The following ROR2 variants were observed in gnomAD, a reference collection of about 807,000 sequenced individuals.
The protein encoded by ROR2 is ROR family WNT receptor 2, also known as tyrosine-protein kinase transmembrane receptor ROR2.
A neutral mutation model predicts 74.9 loss-of-function variants in ROR2; 33 were observed. The observed-to-expected ratio is 0.44, with a 90% CI of 0.33 to 0.59. ROR2 has a LOEUF of 0.59. ROR2 is among the 20% of genes least tolerant of loss of function. The pLI is 0.02. For synonymous variants in ROR2, 586 were observed against 558.7 expected (o/e 1.05, Z -0.69); for missense variants, 1,216 against 1,313.8 (o/e 0.93, Z 1.15).
chr9:91,895,852 A>G (rs1158909446), intron 1 of ROR2, among the ~76,000 whole-genome samples: 1 of 152,244 alleles, frequency 6.6e-6, no homozygotes, highest in African/African-American at 2.4e-5. Flanking sequence ...TCAAAAAAGA[A>G]AAAAGAAATA....
At chr9:91,849,723 G>C (rs1305065816) in intron 1 of ROR2, among the ~76,000 whole-genome samples, 1 of 152,194 alleles carries the variant, frequency 6.6e-6, no homozygotes, top group Admixed American at 6.5e-5. Flanking sequence ...TGTAGATAAA[G>C]CTGAAGTCTC....
At chr9:91,727,030 G>A (rs143392335) in intron 7 of ROR2, among the ~76,000 whole-genome samples, 541 of 152,214 alleles carry the variant, frequency 3.6e-3, no homozygotes, top group Middle Eastern at 6.8e-3. Context: ...TCTTAATAAC[G>A]ACCACATCCG....
rs34687056 is a variant in ROR2, at chr9:91,829,549, C to CAAAA, written c.98-53735_98-53732dup. ...TGGGTGACACAGCGAGACTCCGTCTCAAAAAAAAAAAAAAAAAAAAAAAAG... is the reference window on the plus strand; with the variant it reads ...TGGGTGACACAGCGAGACTCCGTCTCAAAAAAAAAAAAAAAAAAAAAAAAAAAAG... On this transcript the variant is annotated intron_variant, in intron 1 of 8. Coordinates refer to ENST00000375708, the MANE Select transcript of ROR2 (RefSeq NM_004560.4). Among the ~76,000 whole-genome samples, 49 of 40,480 alleles carry CAAAA rather than the reference C, an allele frequency of 1.2e-3. 2 individuals carry two copies. The highest frequency in any genetic ancestry group is 2.4e-3 in the African/African-American group (24 of 10,188). The allele number at this position is 40,480 out of a possible 152,430, so 26.6% of individuals were successfully genotyped here.
intron 1 of ROR2, among the ~76,000 whole-genome samples, chr9:91,915,630 C>G (rs1564035849): frequency 6.7e-6 from 1 of 149,972 alleles, no homozygotes; most frequent in Non-Finnish European, 1.5e-5. Flanking sequence ...CAGGTTGCTG[C>G]TGCTGTCTTG....
At chr9:91,825,743 G>C (rs1828267005) in intron 1 of ROR2, among the ~76,000 whole-genome samples, 1 of 152,056 alleles carries the variant, frequency 6.6e-6, no homozygotes, top group Admixed American at 6.5e-5. Flanking sequence ...CACTTATTTT[G>C]CTGGAAAAAA....
At chr9:91,837,507 G>A (rs147018089) in intron 1 of ROR2, among the ~76,000 whole-genome samples, 1 of 152,326 alleles carries the variant, frequency 6.6e-6, no homozygotes, top group Admixed American at 6.5e-5. Context: ...GGGAGGCGGG[G>A]AGAAGCCTTG....
At chr9:91,931,617 T>C (rs1587856116) in intron 1 of ROR2, among the ~76,000 whole-genome samples, 1 of 152,084 alleles carries the variant, frequency 6.6e-6, no homozygotes, top group Non-Finnish European at 1.5e-5. Flanking sequence ...TTTTAAGCCA[T>C]TTAAAAAAAA....
chr9:91,903,115 T>C (rs1176691081), intron 1 of ROR2, among the ~76,000 whole-genome samples: 1 of 151,776 alleles, frequency 6.6e-6, no homozygotes, highest in African/African-American at 2.4e-5. Context: ...TATTTTACTA[T>C]GATAAAGAAA....
chr9:91,798,364 T>C (rs1358016191), intron 1 of ROR2, among the ~76,000 whole-genome samples: 2 of 119,776 alleles, frequency 1.7e-5, no homozygotes, highest in African/African-American at 7.3e-5. Flanking sequence ...CTGGGCTCTG[T>C]GGGTGGGGAA....
chr9:91,853,186 T>A (rs1253490479), intron 1 of ROR2, among the ~76,000 whole-genome samples: 1 of 152,062 alleles, frequency 6.6e-6, no homozygotes, highest in Non-Finnish European at 1.5e-5. Context: ...CAGGCCTGAG[T>A]CCGGAGACCA....
At chr9:91,859,419 G>A (rs957132465) in intron 1 of ROR2, among the ~76,000 whole-genome samples, 2 of 152,070 alleles carry the variant, frequency 1.3e-5, no homozygotes, top group African/African-American at 2.4e-5. Flanking sequence ...GGATGGTCTC[G>A]AAAGTATTTC....
In ROR2 at chr9:91,722,820, C is replaced by T. The variant is rs997378440; in HGVS notation, c.*842G>A. 5.6e-5 allele frequency: 32 copies of T among 570,458 alleles called. 2 individuals carry two copies. The highest frequency in any genetic ancestry group is 4.2e-4 in the South Asian group (19 of 45,158). 35.3% of individuals were successfully genotyped at this position (570,458 alleles called of 1,614,324 possible). ...TAAATTACTAAAGTCATCTTAAGACCAAAATACTTCAATGAAAATGGCATA... is the reference window on the plus strand; with the variant it reads ...TAAATTACTAAAGTCATCTTAAGACTAAAATACTTCAATGAAAATGGCATA... On this transcript the variant is annotated 3_prime_UTR_variant, in exon 9 of 9. Coordinates refer to ENST00000375708, the MANE Select transcript of ROR2 (RefSeq NM_004560.4).
chr9:91,924,072 C>T (rs1467544322), intron 1 of ROR2: 1 of 152,572 alleles, frequency 6.6e-6, no homozygotes, highest in East Asian at 1.9e-4. Flanking sequence ...ACATTGGCAG[C>T]TGATTCTTTC....
At chr9:91,772,573 T>C (rs1265519511) in intron 2 of ROR2, among the ~76,000 whole-genome samples, 2 of 152,216 alleles carry the variant, frequency 1.3e-5, no homozygotes, top group Non-Finnish European at 2.9e-5. Context: ...CCTTCTGTGG[T>C]TCTTTGCTTT....
chr9:91,800,702 C>A (rs1316746178), intron 1 of ROR2, among the ~76,000 whole-genome samples: 1 of 152,212 alleles, frequency 6.6e-6, no homozygotes, highest in Non-Finnish European at 1.5e-5. Context: ...GTGGGCATCA[C>A]GCCCACGCAC....
intron 1 of ROR2, among the ~76,000 whole-genome samples, chr9:91,812,200 G>A (rs1044367544): frequency 2.6e-5 from 4 of 151,968 alleles, no homozygotes; most frequent in African/African-American, 4.8e-5. Flanking sequence ...TTGACTCCTC[G>A]TCTCTGCTGA....
chr9:91,745,826 G>A (rs1219248704), intron 4 of ROR2, among the ~76,000 whole-genome samples: 4 of 152,034 alleles, frequency 2.6e-5, no homozygotes, highest in African/African-American at 4.8e-5. Flanking sequence ...CTTAAATTCA[G>A]TTTCTAGCTT....
chr9:91,834,981 T>C (rs1828568337), intron 1 of ROR2, among the ~76,000 whole-genome samples: 1 of 151,516 alleles, frequency 6.6e-6, no homozygotes, highest in South Asian at 2.1e-4. Flanking sequence ...CCCTGCCTTA[T>C]GTCTCTGGGC....
chr9:91,892,283 C>G (rs936916848), intron 1 of ROR2, among the ~76,000 whole-genome samples: 2 of 152,294 alleles, frequency 1.3e-5, no homozygotes, highest in African/African-American at 4.8e-5. Context: ...GTAAGTGCAC[C>G]GGCAGGTGGG....
Sources: gnomAD v4.1 joint callset for allele counts (sites outside exome capture counted in the v4.1 genomes callset) on GRCh38, gnomAD v4.1.1 for gene constraint, MANE v1.5 for transcripts, NCBI Gene and HGNC (gene_info 2026-07-23, HGNC 2026-07-21) for gene names.